KHDRBS2: variants seen among roughly 807,000 people sequenced by gnomAD.
The protein encoded by KHDRBS2 is KH domain-containing, RNA-binding, signal transduction-associated protein 2.
KHDRBS2 carries 26 observed loss-of-function variants against 44.3 expected under a neutral mutation model. The observed-to-expected ratio is 0.59, with a 90% confidence interval of 0.43 to 0.81. The LOEUF is 0.81. Among genes scored for constraint, KHDRBS2 ranks in the 40% least tolerant of loss-of-function variants. The probability of loss-of-function intolerance (pLI) is 0.00; values close to 1 mark genes in which losing one functional copy is unlikely to be tolerated. For missense variants in KHDRBS2, 476 were observed against 433.1 expected, an observed-to-expected ratio of 1.10 and a Z score of -0.88; for synonymous variants, 194 against 151.1, an observed-to-expected ratio of 1.28 and a Z score of -2.08.
chr6:62,169,864 T>G (rs1397686459), intron 2 of KHDRBS2, among the ~76,000 whole-genome samples: 4 of 151,810 alleles, frequency 2.6e-5, no homozygotes, highest in Non-Finnish European at 5.9e-5. Flanking sequence ...AAGCCACAGT[T>G]GCAATGTGTG....
the KHDRBS2 span, among the ~76,000 whole-genome samples, chr6:61,662,668 A>G: frequency 4.3e-4 from 66 of 152,248 alleles, no homozygotes; most frequent in African/African-American, 1.5e-3. Context: ...ATCACTGGCC[A>G]TCAGAGAAAT....
intron 2 of KHDRBS2, among the ~76,000 whole-genome samples, chr6:62,072,675 A>G (rs1321248549): frequency 1.3e-5 from 2 of 152,316 alleles, no homozygotes; most frequent in African/African-American, 4.8e-5. Flanking sequence ...CCAGACTTGC[A>G]TCCCAGGGAT....
chr6:61,564,448 G>A, the KHDRBS2 span, among the ~76,000 whole-genome samples: 2 of 152,048 alleles, frequency 1.3e-5, no homozygotes, highest in African/African-American at 4.8e-5. Context: ...TTACATAATA[G>A]CTTCCCTTTT....
At chr6:62,012,021 T>C (rs1417194611) in intron 3 of KHDRBS2, among the ~76,000 whole-genome samples, 1 of 152,128 alleles carries the variant, frequency 6.6e-6, no homozygotes, top group East Asian at 1.9e-4. Flanking sequence ...AAAAATGACA[T>C]CTTACAAATG....
chr6:61,734,760 A>C (rs1052852469), intron 6 of KHDRBS2, among the ~76,000 whole-genome samples: 1 of 152,058 alleles, frequency 6.6e-6, no homozygotes, highest in African/African-American at 2.4e-5. Flanking sequence ...TTGGTTTTCC[A>C]AATATTTAGA....
intron 6 of KHDRBS2, among the ~76,000 whole-genome samples, chr6:61,817,372 C>A (rs1409493876): frequency 1.3e-5 from 2 of 152,026 alleles, no homozygotes; most frequent in Non-Finnish European, 2.9e-5. Flanking sequence ...GTCAAAATAT[C>A]ACATTAATTT....
downstream of KHDRBS2, among the ~76,000 whole-genome samples, chr6:61,676,461 G>A (rs1263256009): frequency 6.6e-6 from 1 of 151,866 alleles, no homozygotes; most frequent in East Asian, 2.0e-4. Flanking sequence ...TTGGATTTAA[G>A]TTCTGGAGGC....
chr6:61,655,394 C>T, the KHDRBS2 span, among the ~76,000 whole-genome samples: 1 of 151,924 alleles, frequency 6.6e-6, no homozygotes, highest in Non-Finnish European at 1.5e-5. Context: ...GCTGGGGTTA[C>T]AGGTATGCGC....
the KHDRBS2 span, chr6:61,659,167 AAT>A: frequency 4.0e-5 from 6 of 151,596 alleles, no homozygotes; most frequent in African/African-American, 1.4e-4. Context: ...TAAGGAGAAA[AAT>A]AGAAGAAAAT....
At chr6:61,997,714 A>G (rs1777460831) in intron 3 of KHDRBS2, among the ~76,000 whole-genome samples, 1 of 152,158 alleles carries the variant, frequency 6.6e-6, no homozygotes, top group African/African-American at 2.4e-5. Flanking sequence ...AGTGAGCAGC[A>G]TCATATATAC....
At chr6:61,759,079 T>C (rs1214879621) in intron 6 of KHDRBS2, among the ~76,000 whole-genome samples, 2 of 152,172 alleles carry the variant, frequency 1.3e-5, no homozygotes, top group African/African-American at 4.8e-5. Flanking sequence ...ATTTTACATA[T>C]AAAATGTTTG....
At chr6:61,687,495 A>G (rs1192980244) in intron 8 of KHDRBS2, among the ~76,000 whole-genome samples, 1 of 151,772 alleles carries the variant, frequency 6.6e-6, no homozygotes, top group Non-Finnish European at 1.5e-5. Context: ...TTTCAGACCC[A>G]TAGGCTTCCC....
chr6:61,997,507 A>C (rs1777428487), intron 3 of KHDRBS2, among the ~76,000 whole-genome samples: 1 of 152,156 alleles, frequency 6.6e-6, no homozygotes. Flanking sequence ...GTTTTTCCCA[A>C]ACATCCCTCT....
At chr6:62,088,552 C>T (rs191526526) in intron 2 of KHDRBS2, among the ~76,000 whole-genome samples, 94 of 152,290 alleles carry the variant, frequency 6.2e-4, no homozygotes, top group African/African-American at 2.2e-3. Context: ...GCAAAGATTG[C>T]TGCCTGTTCC....
intron 4 of KHDRBS2, among the ~76,000 whole-genome samples, chr6:61,916,340 G>A (rs1170162169): frequency 6.6e-6 from 1 of 151,922 alleles, no homozygotes; most frequent in Non-Finnish European, 1.5e-5. Context: ...AACACAACTG[G>A]AGTTTTGGGA....
intron 2 of KHDRBS2, among the ~76,000 whole-genome samples, chr6:62,089,429 A>G (rs190502476): frequency 6.6e-6 from 1 of 152,140 alleles, no homozygotes; most frequent in African/African-American, 2.4e-5. Context: ...GTATCTGGGC[A>G]GGATAGCACC....
intron 6 of KHDRBS2, among the ~76,000 whole-genome samples, chr6:61,840,819 A>G (rs1334448763): frequency 6.6e-6 from 1 of 152,184 alleles, no homozygotes; most frequent in Non-Finnish European, 1.5e-5. Context: ...GGGAGTAGAA[A>G]AAAAGAGCTC....
At chr6:61,963,745 G>A (rs570304240) in intron 4 of KHDRBS2, among the ~76,000 whole-genome samples, 4 of 151,994 alleles carry the variant, frequency 2.6e-5, no homozygotes, top group African/African-American at 9.7e-5. Context: ...TTTTACAAGG[G>A]TTTCTCCTCA....
At chr6:62,164,044 A>T (rs974784005) in intron 2 of KHDRBS2, among the ~76,000 whole-genome samples, 2 of 151,948 alleles carry the variant, frequency 1.3e-5, no homozygotes, top group African/African-American at 4.8e-5. Flanking sequence ...TTTTTCATAA[A>T]GACAAAATCT....
Sources: gnomAD v4.1 joint callset for allele counts (sites outside exome capture counted in the v4.1 genomes callset) on GRCh38, gnomAD v4.1.1 for gene constraint, MANE v1.5 for transcripts, NCBI Gene and HGNC (gene_info 2026-07-23, HGNC 2026-07-21) for gene names.